BDH1: variants seen among roughly 807,000 people sequenced by gnomAD.
The protein encoded by BDH1 is D-beta-hydroxybutyrate dehydrogenase, mitochondrial.
BDH1 carries 30 observed loss-of-function variants against 33.1 expected under a neutral mutation model. That is an observed-to-expected ratio of 0.91 (90% CI 0.68 to 1.23). The LOEUF is 1.23. BDH1 is among the 50% of genes most tolerant of loss of function. The probability of loss-of-function intolerance (pLI) is 0.00; values close to 1 mark genes in which losing one functional copy is unlikely to be tolerated. For synonymous variants in BDH1, 190 were observed against 183.6 expected (o/e 1.03, Z -0.28); for missense variants, 443 against 464.4 (o/e 0.95, Z 0.42).
At chr3:197,550,679 A>G (rs929720857) in intron 2 of BDH1, among the ~76,000 whole-genome samples, 2 of 151,550 alleles carry the variant, frequency 1.3e-5, no homozygotes, top group Non-Finnish European at 2.9e-5. Context: ...AGCCACAGAG[A>G]GAGGGAGAAA....
rs114807550 is a variant in BDH1 at position 197,546,453 on chromosome 3, G to A, written c.-10C>T. The A allele has an allele frequency of 7.8e-5, 126 of 1,613,942 alleles. No homozygotes were observed. In the African/African-American group the frequency reaches 1.4e-3, roughly 17 times the overall value. On this transcript the variant is annotated 5_prime_UTR_variant, in exon 3 of 8. Transcript: ENST00000392379. ...GGCGGGTGGCCAGCATGGTAGCAAC[G>A]GGTGTTAGAATGGCCCAGTTCCTCC...
rs780658065 is a variant in BDH1, at chr3:197,546,367, C to T, written c.77G>A (p.Gly26Glu). ...KTLSACDRENGARRPLLLGST... is the reference protein window; with the variant it reads ...KTLSACDRENEARRPLLLGST... ...ACCACCTCTGGTTGCTTACCTTGCT[C>T]CATTTTCTCTATCACAGGCACTTAG... Residue 26 changes from glycine to glutamate, a missense_variant, in exon 3 of 8, where the codon GGA becomes GAA. By Grantham distance (98) the Gly-to-Glu change is moderately conservative. Transcript: ENST00000392379. 1.9e-5 allele frequency: 30 copies of T among 1,613,964 alleles called. No individual in the cohort carries two copies. The highest frequency in any genetic ancestry group is 2.7e-5 in the African/African-American group (2 of 74,884).
At chr3:197,533,763 C>T (rs1243782515) in intron 3 of BDH1, 1 of 583,188 alleles carries the variant, frequency 1.7e-6, no homozygotes, top group East Asian at 2.8e-5. Context: ...ATGTTTGCCA[C>T]TGTCCAGGAA....
At chr3:197,542,068 G>A (rs1715679096) in intron 3 of BDH1, among the ~76,000 whole-genome samples, 3 of 152,220 alleles carry the variant, frequency 2.0e-5, no homozygotes, top group East Asian at 1.9e-4. Flanking sequence ...GGCTGCAAGC[G>A]GAGGTCGACC....
chr3:197,512,624 G>A (rs986954880), intron 7 of BDH1, among the ~76,000 whole-genome samples: 1 of 152,218 alleles, frequency 6.6e-6, no homozygotes, highest in Non-Finnish European at 1.5e-5. Flanking sequence ...TGGGCAACAC[G>A]CAACTGACTC....
At chr3:197,531,005 C>A (rs1714591155) in intron 5 of BDH1, among the ~76,000 whole-genome samples, 1 of 152,006 alleles carries the variant, frequency 6.6e-6, no homozygotes, top group Non-Finnish European at 1.5e-5. Flanking sequence ...CAAGAATCAA[C>A]AACAAGGAAA....
intron 1 of BDH1, among the ~76,000 whole-genome samples, chr3:197,561,450 C>T (rs1717257760): frequency 6.6e-6 from 1 of 151,816 alleles, no homozygotes; most frequent in African/African-American, 2.4e-5. Context: ...AGCTCACTCC[C>T]AGCAGGGAAG....
At chr3:197,532,601 A>G in intron 4 of BDH1, 79 bp from the exon 5 acceptor site, 1 of 978,170 alleles carries the variant, frequency 1.0e-6, no homozygotes. Context: ...CCCTCTGTGC[A>G]GTGAGAGTTA....
intron 1 of BDH1, among the ~76,000 whole-genome samples, chr3:197,561,596 T>C (rs1402328075): frequency 6.6e-6 from 1 of 152,212 alleles, no homozygotes; most frequent in Non-Finnish European, 1.5e-5. Context: ...ATTTCTCCTT[T>C]ACCATTAGAG....
At chr3:197,567,889 T>C (rs538686939) in intron 1 of BDH1, among the ~76,000 whole-genome samples, 1 of 152,252 alleles carries the variant, frequency 6.6e-6, no homozygotes, top group South Asian at 2.1e-4. Flanking sequence ...AGAGGTAGTA[T>C]CCTGAAAGAT....
intron 1 of BDH1, among the ~76,000 whole-genome samples, chr3:197,570,939 CACAG>C (rs1717586520): frequency 6.6e-6 from 1 of 152,190 alleles, no homozygotes; most frequent in African/African-American, 2.4e-5. Context: ...CTGGAAAAGT[CACAG>C]ACACTCAATG....
At chr3:197,534,986 T>A (rs1345504962) in intron 3 of BDH1, among the ~76,000 whole-genome samples, 1 of 152,196 alleles carries the variant, frequency 6.6e-6, no homozygotes, top group African/African-American at 2.4e-5. Context: ...GCCAGCAGAC[T>A]GTGTTTGGTG....
intron 1 of BDH1, among the ~76,000 whole-genome samples, chr3:197,569,692 A>ACCATGTAAGACGTGCCTTTTGCCTTCTG (rs1717545729): frequency 6.6e-6 from 1 of 152,222 alleles, no homozygotes; most frequent in African/African-American, 2.4e-5. Flanking sequence ...CTTGTCTGCC[A>ACCATGTAAGACGTGCCTTTTGCCTTCTG]CCATGTAAGA....
chr3:197,540,530 G>T (rs193192363), intron 3 of BDH1, among the ~76,000 whole-genome samples: 1 of 151,930 alleles, frequency 6.6e-6, no homozygotes, highest in African/African-American at 2.4e-5. Flanking sequence ...TTAGCAGGGC[G>T]TGGTGGCACA....
chr3:197,532,396 A>G lies in BDH1; in HGVS notation c.267+16T>C, dbSNP rs1287056266. ...TGTGTAAAAGACAATGGTGAAGAAG[A>G]TAACTCGTCTCTTACCTTCATCAAG... is the stretch of plus-strand genomic sequence containing the variant. On this transcript the variant is annotated intron_variant, in intron 5 of 7. Coordinates refer to ENST00000392379, the MANE Select transcript of BDH1 (RefSeq NM_203314.3). The G allele has an allele frequency of 1.3e-6, 2 of 1,597,668 alleles. No individual in the cohort carries two copies. Among genetic ancestry groups the G allele is most frequent in the African/African-American group, 2.7e-5 (2 of 74,572 alleles).
intron 3 of BDH1, among the ~76,000 whole-genome samples, chr3:197,543,548 T>C (rs1579971813): frequency 6.6e-6 from 1 of 152,194 alleles, no homozygotes; most frequent in Admixed American, 6.5e-5. Flanking sequence ...CGGAGGGCCA[T>C]GGGGAGCCAG....
chr3:197,539,359 C>G (rs1273785881), intron 3 of BDH1, among the ~76,000 whole-genome samples: 1 of 152,102 alleles, frequency 6.6e-6, no homozygotes, highest in Non-Finnish European at 1.5e-5. Flanking sequence ...AGGCTGGTCT[C>G]GAACTCCTGA....
At chr3:197,561,723 T>A (rs1355660379) in intron 1 of BDH1, among the ~76,000 whole-genome samples, 1 of 152,134 alleles carries the variant, frequency 6.6e-6, no homozygotes, top group African/African-American at 2.4e-5. Flanking sequence ...AATTCCAAAT[T>A]ACGGGTAACA....
In BDH1 at chr3:197,511,323, T is replaced by G. The variant is rs1165672729; in HGVS notation, c.*572A>C. 6.5e-6 allele frequency: 1 copy of G among 152,706 alleles called. No homozygotes were observed. The highest frequency in any genetic ancestry group is 1.5e-5 in the Non-Finnish European group (1 of 68,452). The allele number at this position is 152,706 out of a possible 1,614,324, so 9.5% of individuals were successfully genotyped here. On this transcript the variant is annotated 3_prime_UTR_variant, in exon 8 of 8. Coordinates refer to ENST00000392379, the MANE Select transcript of BDH1 (RefSeq NM_203314.3). ...GGCCAGTCACACAGCACCATGGACATGCAGAGGTACCAGTGGGCACTTGGT... is the reference window on the plus strand; with the variant it reads ...GGCCAGTCACACAGCACCATGGACAGGCAGAGGTACCAGTGGGCACTTGGT...
Sources: gnomAD v4.1 joint callset for allele counts (sites outside exome capture counted in the v4.1 genomes callset) on GRCh38, gnomAD v4.1.1 for gene constraint, MANE v1.5 for transcripts, NCBI Gene and HGNC (gene_info 2026-07-23, HGNC 2026-07-21) for gene names.